Variants in MAST4 observed in about 807,000 individuals in gnomAD.
MAST4 encodes microtubule associated serine/threonine kinase family member 4.
In MAST4, 89 loss-of-function variants were observed where a neutral mutation model predicts 162.7. The observed-to-expected ratio is 0.55, with a 90% CI of 0.46 to 0.65. MAST4 has a LOEUF of 0.65. Among genes scored for constraint, MAST4 ranks in the 30% least tolerant of loss-of-function variants. The pLI is 0.00. For synonymous variants in MAST4, 1,479 were observed against 1,361.1 expected, an observed-to-expected ratio of 1.09 and a Z score of -1.91; for missense variants, 3,153 against 3,374.0, an observed-to-expected ratio of 0.93 and a Z score of 1.62.
chr5:66,928,292 C>G (rs973988188), intron 4 of MAST4, among the ~76,000 whole-genome samples: 1 of 152,182 alleles, frequency 6.6e-6, no homozygotes, highest in Non-Finnish European at 1.5e-5. Flanking sequence ...CTCCTCTTTT[C>G]TTACTGAGTT....
intron 3 of MAST4, among the ~76,000 whole-genome samples, chr5:66,864,009 C>G (rs1177759112): frequency 2.0e-5 from 3 of 152,182 alleles, no homozygotes; most frequent in Non-Finnish European, 4.4e-5. Flanking sequence ...TGTGGTTGAG[C>G]TGATGATGGG....
At chr5:66,981,134 C>T (rs917871880) in intron 4 of MAST4, among the ~76,000 whole-genome samples, 21 of 152,136 alleles carry the variant, frequency 1.4e-4, no homozygotes, top group African/African-American at 4.3e-4. Context: ...TTCCATTTAC[C>T]TCATAATATG....
chr5:67,058,395 C>T (rs1431195114), intron 5 of MAST4, among the ~76,000 whole-genome samples: 1 of 152,160 alleles, frequency 6.6e-6, no homozygotes, highest in Non-Finnish European at 1.5e-5. Flanking sequence ...TGTGTTTACC[C>T]TTTTGCCCGG....
rs548433056 is a variant in MAST4 at position 66,701,086 on chromosome 5, T to G, written c.364-58623T>G. 3.9e-5 allele frequency among the ~76,000 whole-genome samples: 6 copies of G among 152,272 alleles called. No homozygotes were observed. The South Asian group carries it at 1.2e-3, about 32-fold the overall frequency. On this transcript the variant is annotated intron_variant, in intron 1 of 28. Transcript: ENST00000403625. ...TAATGTAATTAAGTAATTACCAAAA[T>G]AATTATTGGTTATCATTACTATTTT...
chr5:67,078,894 T>G (rs11741013), intron 5 of MAST4, among the ~76,000 whole-genome samples: 1 of 65,032 alleles, frequency 1.5e-5, no homozygotes, highest in African/African-American at 6.6e-5. Flanking sequence ...ATTTATATAT[T>G]TATATATTTT....
chr5:66,981,838 G>A (rs961274611), intron 4 of MAST4, among the ~76,000 whole-genome samples: 1 of 152,168 alleles, frequency 6.6e-6, no homozygotes, highest in Non-Finnish European at 1.5e-5. Context: ...TCTCTGCCAA[G>A]ATCAGTTGGC....
chr5:66,926,536 G>T (rs40631), intron 4 of MAST4, among the ~76,000 whole-genome samples: 77,052 of 151,316 alleles, frequency 0.51, 20,813 homozygotes, highest in Non-Finnish European at 0.61. Context: ...GACAGAGCAA[G>T]ACTCCATATC....
intron 1 of MAST4, among the ~76,000 whole-genome samples, chr5:66,716,495 A>G (rs1402400076): frequency 6.6e-6 from 1 of 151,774 alleles, no homozygotes; most frequent in Non-Finnish European, 1.5e-5. Context: ...ACAGGTGTAC[A>G]TCACCGTGCC....
intron 14 of MAST4, among the ~76,000 whole-genome samples, chr5:67,124,706 T>C (rs1476166756): frequency 6.6e-6 from 1 of 152,202 alleles, no homozygotes; most frequent in African/African-American, 2.4e-5. Flanking sequence ...AGGATTCTTT[T>C]AAATTGGTTT....
intron 4 of MAST4, among the ~76,000 whole-genome samples, chr5:66,966,689 T>C (rs189025082): frequency 6.6e-6 from 1 of 152,248 alleles, no homozygotes; most frequent in Admixed American, 6.5e-5. Flanking sequence ...TATCTAACAA[T>C]AGGGAAGCCT....
In MAST4 at chr5:66,806,812, C is replaced by T. The variant is rs149729282; in HGVS notation, c.642+18018C>T. Among the ~76,000 whole-genome samples the T allele has an allele frequency of 1.2e-3, 177 of 152,006 alleles. 1 individual carries two copies. In the East Asian group the frequency reaches 0.028, roughly 24 times the overall value. On this transcript the variant is annotated intron_variant, in intron 3 of 28. Coordinates refer to ENST00000403625, the MANE Select transcript of MAST4 (RefSeq NM_001164664.2). ...ACTTTTTTATTACATCTCCTGTTTTCCCCAAGATGCCAGTCTTGGGCTCAA... is the reference window on the plus strand; with the variant it reads ...ACTTTTTTATTACATCTCCTGTTTTTCCCAAGATGCCAGTCTTGGGCTCAA...
At chr5:66,954,118 T>C (rs1745017950) in intron 4 of MAST4, among the ~76,000 whole-genome samples, 1 of 152,182 alleles carries the variant, frequency 6.6e-6, no homozygotes, top group Admixed American at 6.5e-5. Flanking sequence ...ATCGAAGTAC[T>C]GTGGTTTAAA....
rs1204215753 is a variant in MAST4 at position 66,949,403 on chromosome 5, A to C, written c.674+49421A>C. 1.1e-4 allele frequency among the ~76,000 whole-genome samples: 17 copies of C among 152,222 alleles called. No individual in the cohort carries two copies. The East Asian group carries it at 3.1e-3, about 28-fold the overall frequency. ...TCATGGTAGTGAGTGAGTTCTCGTG[A>C]GATCTGATGGTTTTATTATATAAGG... On this transcript the variant is annotated intron_variant, in intron 4 of 28. Coordinates refer to ENST00000403625, the MANE Select transcript of MAST4 (RefSeq NM_001164664.2).
chr5:66,690,836 G>A (rs918698019), intron 1 of MAST4, among the ~76,000 whole-genome samples: 3 of 152,180 alleles, frequency 2.0e-5, no homozygotes, highest in African/African-American at 7.2e-5. Context: ...GTTCACTGGT[G>A]GTTCTGCTGA....
intron 1 of MAST4, among the ~76,000 whole-genome samples, chr5:66,655,561 A>G (rs1426792809): frequency 2.6e-5 from 4 of 152,192 alleles, no homozygotes; most frequent in South Asian, 2.1e-4. Flanking sequence ...CAGGAAACCA[A>G]TCTCAGGGTA....
intron 1 of MAST4, among the ~76,000 whole-genome samples, chr5:66,680,228 G>T (rs1748238313): frequency 6.6e-6 from 1 of 152,208 alleles, no homozygotes; most frequent in Non-Finnish European, 1.5e-5. Context: ...ATACTGGAAG[G>T]ATGTGTTAAA....
chr5:66,885,432 C>T (rs979551569), intron 3 of MAST4, among the ~76,000 whole-genome samples: 10 of 152,292 alleles, frequency 6.6e-5, no homozygotes, highest in Non-Finnish European at 1.5e-4. Flanking sequence ...GCAAGAAATA[C>T]TTTTTCTCCT....
chr5:66,867,728 A>G (rs557911659), intron 3 of MAST4, among the ~76,000 whole-genome samples: 2 of 152,370 alleles, frequency 1.3e-5, no homozygotes, highest in South Asian at 4.1e-4. Context: ...ATGGTGAGGA[A>G]TCCACCTCTT....
At chr5:66,612,663 G>T (rs1346941304) in intron 1 of MAST4, among the ~76,000 whole-genome samples, 1 of 152,184 alleles carries the variant, frequency 6.6e-6, no homozygotes, top group Non-Finnish European at 1.5e-5. Context: ...TGAACAATGT[G>T]AGTTAAGCTG....
Sources: allele counts gnomAD v4.1 joint callset (sites outside exome capture counted in the v4.1 genomes callset), GRCh38; gene constraint gnomAD v4.1.1; transcripts MANE v1.5; gene names NCBI Gene and HGNC (gene_info 2026-07-23, HGNC 2026-07-21).